Variants in AFG2A observed in about 807,000 individuals in gnomAD.
AFG2A encodes ATPase family gene 2 protein homolog A.
At chr4:123,226,677 T>C in the AFG2A span, among the ~76,000 whole-genome samples, 1 of 152,176 alleles carries the variant, frequency 6.6e-6, no homozygotes, top group East Asian at 1.9e-4. Flanking sequence ...TTCTCTTTTT[T>C]TGTTGTGTCT....
At chr4:123,311,590 G>A in the AFG2A span, among the ~76,000 whole-genome samples, 1 of 135,406 alleles carries the variant, frequency 7.4e-6, no homozygotes. Context: ...TTACGCCACT[G>A]CACTCCAGCC....
At chr4:123,154,201 A>G in the AFG2A span, among the ~76,000 whole-genome samples, 1 of 152,108 alleles carries the variant, frequency 6.6e-6, no homozygotes, top group Non-Finnish European at 1.5e-5. Flanking sequence ...GACAATGTGA[A>G]GATTTGAATA....
At chr4:123,041,634 C>T in the AFG2A span, among the ~76,000 whole-genome samples, 1 of 152,008 alleles carries the variant, frequency 6.6e-6, no homozygotes, top group East Asian at 1.9e-4. Flanking sequence ...CAGGTTCAAG[C>T]GATTCTCCTG....
chr4:123,016,994 C>T, the AFG2A span, among the ~76,000 whole-genome samples: 12 of 151,082 alleles, frequency 7.9e-5, no homozygotes, highest in African/African-American at 2.4e-4. Context: ...TGGTGGCGCA[C>T]GCCTGCAATC....
At chr4:123,126,596 C>A in the AFG2A span, among the ~76,000 whole-genome samples, 71 of 152,230 alleles carry the variant, frequency 4.7e-4, 1 homozygote, top group Middle Eastern at 3.4e-3. Flanking sequence ...GTGCTTACCT[C>A]CGTGCTGTTC....
chr4:123,280,710 T>C, the AFG2A span, among the ~76,000 whole-genome samples: 1 of 152,218 alleles, frequency 6.6e-6, no homozygotes, highest in Admixed American at 6.5e-5. Context: ...CGCTTCTGAT[T>C]ACGTTTGACC....
the AFG2A span, among the ~76,000 whole-genome samples, chr4:123,155,704 G>A: frequency 6.6e-6 from 1 of 152,144 alleles, no homozygotes; most frequent in African/African-American, 2.4e-5. Context: ...AAGAGGATGT[G>A]CGTAGGTCAT....
At chr4:123,076,047 C>T in the AFG2A span, among the ~76,000 whole-genome samples, 1 of 151,716 alleles carries the variant, frequency 6.6e-6, no homozygotes, top group African/African-American at 2.4e-5. Flanking sequence ...AATCTCAGCA[C>T]TTTGGGAGGC....
chr4:123,153,005 A>G, the AFG2A span, among the ~76,000 whole-genome samples: 23,330 of 152,202 alleles, frequency 0.15, 2,193 homozygotes, highest in East Asian at 0.45. Flanking sequence ...CTTCCCAATA[A>G]CAACCACATG....
the AFG2A span, among the ~76,000 whole-genome samples, chr4:123,198,286 C>G: frequency 6.6e-6 from 1 of 150,734 alleles, no homozygotes; most frequent in South Asian, 2.1e-4. Context: ...AAAAAAAGAG[C>G]AACCAGCTGG....
the AFG2A span, among the ~76,000 whole-genome samples, chr4:123,042,783 A>G: frequency 2.6e-5 from 4 of 152,118 alleles, no homozygotes; most frequent in Admixed American, 2.0e-4. Flanking sequence ...ATAACACTGC[A>G]CCACTTTATT....
chr4:123,147,878 C>A, the AFG2A span, among the ~76,000 whole-genome samples: 3 of 152,094 alleles, frequency 2.0e-5, no homozygotes, highest in East Asian at 5.8e-4. Flanking sequence ...CCAGAAGAAA[C>A]GTAATACTTA....
At chr4:122,931,981 T>C in the AFG2A span, among the ~76,000 whole-genome samples, 5 of 152,166 alleles carry the variant, frequency 3.3e-5, no homozygotes, top group African/African-American at 1.2e-4. Context: ...TAAAAGTGAT[T>C]GGAAGCCAGA....
chr4:123,218,677 A>G, the AFG2A span, among the ~76,000 whole-genome samples: 2 of 152,094 alleles, frequency 1.3e-5, no homozygotes, highest in Non-Finnish European at 2.9e-5. Context: ...ACATACATAC[A>G]TACATACATA....
the AFG2A span, among the ~76,000 whole-genome samples, chr4:123,165,140 T>G: frequency 2.0e-5 from 3 of 152,176 alleles, no homozygotes; most frequent in African/African-American, 7.2e-5. Context: ...AATATTATTA[T>G]TCCCTTTATA....
chr4:122,923,181 C>A, the AFG2A span: 2 of 1,614,192 alleles, frequency 1.2e-6, no homozygotes, highest in Non-Finnish European at 1.7e-6. Context: ...TGAACCAAAG[C>A]GCGGAAAATG....
chr4:122,996,847 G>A, the AFG2A span, among the ~76,000 whole-genome samples: 1 of 152,110 alleles, frequency 6.6e-6, no homozygotes, highest in South Asian at 2.1e-4. Context: ...GAGTCCAAAG[G>A]CTGGAGAACG....
chr4:123,074,388 G>A, the AFG2A span, among the ~76,000 whole-genome samples: 1 of 149,756 alleles, frequency 6.7e-6, no homozygotes, highest in Non-Finnish European at 1.5e-5. Context: ...TTTTTTTTTA[G>A]GCCTTTCCAC....
the AFG2A span, among the ~76,000 whole-genome samples, chr4:123,290,031 C>A: frequency 6.6e-6 from 1 of 152,042 alleles, no homozygotes; most frequent in Non-Finnish European, 1.5e-5. Flanking sequence ...AATAGGCCTA[C>A]TTTTTAATGG....
Sources: gnomAD v4.1 joint callset for allele counts (sites outside exome capture counted in the v4.1 genomes callset) on GRCh38, gnomAD v4.1.1 for gene constraint, MANE v1.5 for transcripts, NCBI Gene and HGNC (gene_info 2026-07-23, HGNC 2026-07-21) for gene names.